SYNPR: variants seen among roughly 807,000 people sequenced by gnomAD.
SYNPR encodes synaptoporin.
SYNPR carries 23 observed loss-of-function variants against 32.9 expected under a neutral mutation model. That is an observed-to-expected ratio of 0.70 (90% CI 0.50 to 0.99). The LOEUF (loss-of-function observed/expected upper bound fraction) is 0.99, where lower values mean the gene tolerates loss of function less well. SYNPR is among the 50% of genes least tolerant of loss of function. The probability of loss-of-function intolerance (pLI) is 0.00; values close to 1 mark genes in which losing one functional copy is unlikely to be tolerated. For synonymous variants in SYNPR, 146 were observed against 135.9 expected, an observed-to-expected ratio of 1.07 and a Z score of -0.52; for missense variants, 318 against 349.3, an observed-to-expected ratio of 0.91 and a Z score of 0.71.
At chr3:63,498,525 G>A (rs1035250478) in intron 3 of SYNPR, among the ~76,000 whole-genome samples, 1 of 152,064 alleles carries the variant, frequency 6.6e-6, no homozygotes, top group Non-Finnish European at 1.5e-5. Flanking sequence ...GGGAAACGTT[G>A]GCAAAGAGAT....
upstream of SYNPR, among the ~76,000 whole-genome samples, chr3:63,225,929 T>C (rs1490625149): frequency 2.0e-5 from 3 of 150,928 alleles, no homozygotes; most frequent in African/African-American, 7.3e-5. Context: ...ACATCAAGAA[T>C]ATACAAGGTA....
At chr3:63,226,250 T>C (rs1053948062), upstream of SYNPR, among the ~76,000 whole-genome samples, 1 of 152,148 alleles carries the variant, frequency 6.6e-6, no homozygotes, top group Non-Finnish European at 1.5e-5. Context: ...ACATTGTTAG[T>C]GGGAATGTAA....
chr3:63,334,388 G>A (rs145962629), intron 2 of SYNPR, among the ~76,000 whole-genome samples: 2,499 of 152,268 alleles, frequency 0.016, 41 homozygotes, highest in South Asian at 0.028. Flanking sequence ...AAGAGGTGAA[G>A]GTTGCTTGCC....
At chr3:63,564,017 G>A (rs34678573) in intron 4 of SYNPR, among the ~76,000 whole-genome samples, 16,798 of 149,918 alleles carry the variant, frequency 0.11, 1,016 homozygotes, top group Non-Finnish European at 0.13. Context: ...CTTGAGGTTG[G>A]TGAGCAAGGC....
At chr3:63,388,309 T>C (rs1216669794) in intron 2 of SYNPR, among the ~76,000 whole-genome samples, 1 of 150,748 alleles carries the variant, frequency 6.6e-6, no homozygotes, top group Non-Finnish European at 1.5e-5. Context: ...TATCACAGCA[T>C]CCCCTATCCT....
chr3:63,308,614 A>G (rs1275971518), intron 2 of SYNPR, among the ~76,000 whole-genome samples: 1 of 151,942 alleles, frequency 6.6e-6, no homozygotes, highest in East Asian at 1.9e-4. Flanking sequence ...GTTTTGCTTT[A>G]AGTATTTTAA....
At chr3:63,230,907 T>A (rs1269497910) in intron 1 of SYNPR, among the ~76,000 whole-genome samples, 1 of 152,226 alleles carries the variant, frequency 6.6e-6, no homozygotes, top group Non-Finnish European at 1.5e-5. Context: ...ATAGCCTATA[T>A]TATATATAAG....
At chr3:63,224,311 T>C (rs1193766804), upstream of SYNPR, among the ~76,000 whole-genome samples, 7 of 152,172 alleles carry the variant, frequency 4.6e-5, no homozygotes, top group Non-Finnish European at 1.0e-4. Context: ...ATCTAACTAA[T>C]GCCTGATGAT....
At chr3:63,509,290 A>ATGTG (rs1701648781) in intron 3 of SYNPR, among the ~76,000 whole-genome samples, 1 of 147,562 alleles carries the variant, frequency 6.8e-6, no homozygotes, top group Non-Finnish European at 1.5e-5. Flanking sequence ...ATGTGTGTGT[A>ATGTG]TATATATATA....
At chr3:63,220,336 G>C in the SYNPR span, among the ~76,000 whole-genome samples, 1 of 152,142 alleles carries the variant, frequency 6.6e-6, no homozygotes, top group Non-Finnish European at 1.5e-5. Context: ...ACTAAGCAAG[G>C]AGAAAGGACT....
chr3:63,423,868 T>C (rs1018614751), intron 2 of SYNPR: 1 of 152,214 alleles, frequency 6.6e-6, no homozygotes, highest in African/African-American at 2.4e-5. Flanking sequence ...GTTTTTAAAT[T>C]ATCACCTATA....
intron 4 of SYNPR, among the ~76,000 whole-genome samples, chr3:63,598,362 A>C (rs1475838726): frequency 6.6e-6 from 1 of 152,166 alleles, no homozygotes; most frequent in Non-Finnish European, 1.5e-5. Context: ...TTTAGAAAAA[A>C]ATATATTTGC....
At chr3:63,252,712 A>T (rs541881369) in intron 2 of SYNPR, 2 of 152,286 alleles carry the variant, frequency 1.3e-5, no homozygotes, top group South Asian at 4.1e-4. Context: ...ATGGACACTG[A>T]GCAAATCACC....
At position 63,302,525 on chromosome 3, in the gene SYNPR, C is replaced by G. The variant is rs185445871; in HGVS notation, c.84+23783C>G. Among the ~76,000 whole-genome samples, 6 of 152,098 alleles carry G rather than the reference C, an allele frequency of 3.9e-5. No individual in the cohort carries two copies. In the East Asian group the frequency reaches 1.2e-3, roughly 29 times the overall value. On this transcript the variant is annotated intron_variant, in intron 2 of 5. Transcript: ENST00000478300. ...AGGCCTGACTCCAAGTTCAGTATGC[C>G]TTCTTCTATCTCACTTTAATTCAAT... is the stretch of plus-strand genomic sequence containing the variant.
chr3:63,377,518 ATCCCATACTTTGAGTTAAGATCTTTCTT>A (rs1374985444), intron 2 of SYNPR, among the ~76,000 whole-genome samples: 1 of 151,976 alleles, frequency 6.6e-6, no homozygotes. Context: ...CTTTTATGGA[ATCCCATACTTTGAGTTAAGATCTTTCTT>A]TCAGTATGCT....
intron 1 of SYNPR, among the ~76,000 whole-genome samples, chr3:63,246,604 G>A (rs1000890210): frequency 1.3e-5 from 2 of 152,066 alleles, no homozygotes; most frequent in African/African-American, 4.8e-5. Context: ...AGTTCTCATT[G>A]ATAAAGTGAC....
chr3:63,492,422 T>G (rs1189407253), intron 3 of SYNPR, among the ~76,000 whole-genome samples: 1 of 152,222 alleles, frequency 6.6e-6, no homozygotes, highest in Non-Finnish European at 1.5e-5. Flanking sequence ...AACCTGGTAG[T>G]GCCCCAGCCA....
intron 2 of SYNPR, among the ~76,000 whole-genome samples, chr3:63,313,154 A>G (rs2086986355): frequency 6.6e-6 from 1 of 152,050 alleles, no homozygotes; most frequent in South Asian, 2.1e-4. Flanking sequence ...AAGAATGAAT[A>G]AATGAATGAG....
rs765079886 is a variant in SYNPR, at chr3:63,556,597, G to A, written c.264G>A (p.Lys88=). 1.2e-6 allele frequency: 2 copies of A among 1,613,818 alleles called. No individual in the cohort carries two copies. The highest frequency in any genetic ancestry group is 1.7e-6 in the Non-Finnish European group (2 of 1,179,804). ...VPTCEGKERQ[K]LALIGDSSSS... is the part of the protein sequence containing the mutation. ...CCTGCGAGGGAAAGGAACGGCAGAA[G>A]CTGGCATTGATTGGTGACTCCTCGT... Residue 88 remains lysine, a synonymous_variant, in exon 4 of 6, where the codon AAG becomes AAA. Transcript: ENST00000478300.
Sources: gnomAD v4.1 joint callset for allele counts (sites outside exome capture counted in the v4.1 genomes callset) on GRCh38, gnomAD v4.1.1 for gene constraint, MANE v1.5 for transcripts, NCBI Gene and HGNC (gene_info 2026-07-23, HGNC 2026-07-21) for gene names.